NLGN1: variants seen among roughly 807,000 people sequenced by gnomAD.
The protein encoded by NLGN1 is neuroligin 1.
A neutral mutation model predicts 65.5 loss-of-function variants in NLGN1; 12 were observed. That is an observed-to-expected ratio of 0.18 (90% CI 0.12 to 0.30). The LOEUF (loss-of-function observed/expected upper bound fraction) is 0.30. Among genes scored for constraint, NLGN1 ranks in the 10% least tolerant of loss-of-function variants. The pLI is 1.00. For synonymous variants in NLGN1, 350 were observed against 359.5 expected (o/e 0.97, Z 0.30); for missense variants, 750 against 1,007.1 (o/e 0.74, Z 3.46).
chr3:173,760,963 C>T (rs1340116492), intron 3 of NLGN1, among the ~76,000 whole-genome samples: 1 of 152,002 alleles, frequency 6.6e-6, no homozygotes, highest in Non-Finnish European at 1.5e-5. Context: ...CCTAGAGCTA[C>T]CTACAATCAT....
chr3:173,775,400 G>A (rs564569373), intron 3 of NLGN1, among the ~76,000 whole-genome samples: 6 of 152,074 alleles, frequency 3.9e-5, no homozygotes, highest in African/African-American at 1.4e-4. Flanking sequence ...CTTTGGAGTT[G>A]AACAGACCTG....
chr3:174,212,852 C>T (rs1184746454), intron 4 of NLGN1, among the ~76,000 whole-genome samples: 1 of 152,160 alleles, frequency 6.6e-6, no homozygotes, highest in African/African-American at 2.4e-5. Context: ...TAGGAGCTAC[C>T]TACAATCCTT....
At chr3:174,134,360 T>G (rs924443186) in intron 4 of NLGN1, among the ~76,000 whole-genome samples, 1 of 152,250 alleles carries the variant, frequency 6.6e-6, no homozygotes, top group South Asian at 2.1e-4. Flanking sequence ...CCCATCTTAT[T>G]TGGTTATCAA....
At chr3:173,881,786 G>T (rs1239281623) in intron 4 of NLGN1, among the ~76,000 whole-genome samples, 1 of 152,048 alleles carries the variant, frequency 6.6e-6, no homozygotes, top group Non-Finnish European at 1.5e-5. Context: ...AGTTATCCAT[G>T]AGGATTGGAA....
intron 4 of NLGN1, among the ~76,000 whole-genome samples, chr3:174,103,511 G>C (rs1371471581): frequency 6.6e-6 from 1 of 152,122 alleles, no homozygotes; most frequent in East Asian, 1.9e-4. Context: ...TAAACATAAT[G>C]ATGGGAGAAT....
intron 4 of NLGN1, among the ~76,000 whole-genome samples, chr3:174,187,162 A>T (rs1417439392): frequency 6.6e-6 from 1 of 151,704 alleles, no homozygotes; most frequent in Non-Finnish European, 1.5e-5. Context: ...GGAAATTTTC[A>T]ATCAATGATT....
chr3:173,776,564 C>T (rs979596270), intron 3 of NLGN1, among the ~76,000 whole-genome samples: 6 of 151,976 alleles, frequency 3.9e-5, no homozygotes, highest in African/African-American at 1.4e-4. Flanking sequence ...GTGTGGGAAA[C>T]TCGATTTAAT....
intron 4 of NLGN1, among the ~76,000 whole-genome samples, chr3:174,259,958 G>C (rs1270748346): frequency 4.0e-5 from 6 of 151,220 alleles, no homozygotes; most frequent in Non-Finnish European, 8.8e-5. Context: ...TCTTGTGATA[G>C]TTTACTGAGA....
intron 1 of NLGN1, among the ~76,000 whole-genome samples, chr3:173,407,266 T>C (rs1335333045): frequency 6.6e-6 from 1 of 152,222 alleles, no homozygotes; most frequent in East Asian, 1.9e-4. Context: ...CTAAAAACTT[T>C]AATAAATTTT....
In NLGN1 at chr3:174,079,873, T is replaced by C. The variant is rs546654339; in HGVS notation, c.647-195442T>C. Among the ~76,000 whole-genome samples the C allele has an allele frequency of 5.5e-4, 83 of 152,008 alleles. 2 individuals are homozygous for C. Among genetic ancestry groups the C allele is most frequent in the Admixed American group, 2.4e-3 (37 of 15,248 alleles). On this transcript the variant is annotated intron_variant, in intron 4 of 6. Transcript: ENST00000457714. ...ACTCATAGAGGGGACCTACACACAC[T>C]GGGGCCTATTGAAGGGTGGAGGATG...
chr3:173,538,937 AC>A (rs1434059159), intron 2 of NLGN1, among the ~76,000 whole-genome samples: 1 of 148,676 alleles, frequency 6.7e-6, no homozygotes, highest in Non-Finnish European at 1.5e-5. Flanking sequence ...TTTCCTTGTC[AC>A]CAATTTTCCA....
At chr3:173,468,587 G>A (rs1042811354) in intron 2 of NLGN1, among the ~76,000 whole-genome samples, 3 of 152,012 alleles carry the variant, frequency 2.0e-5, no homozygotes, top group Non-Finnish European at 4.4e-5. Flanking sequence ...AAAAAAACTG[G>A]ATGTGCATTA....
chr3:174,120,379 T>C (rs747046180), intron 4 of NLGN1, among the ~76,000 whole-genome samples: 1 of 151,918 alleles, frequency 6.6e-6, no homozygotes, highest in Non-Finnish European at 1.5e-5. Flanking sequence ...TCGTGGTGCA[T>C]GCCTGTAATC....
intron 4 of NLGN1, among the ~76,000 whole-genome samples, chr3:174,081,774 T>C (rs1043563940): frequency 6.6e-6 from 1 of 152,060 alleles, no homozygotes; most frequent in Non-Finnish European, 1.5e-5. Flanking sequence ...TTTCTCCATG[T>C]TGATGAGGCT....
chr3:173,752,520 A>G (rs1273906697), intron 3 of NLGN1, among the ~76,000 whole-genome samples: 1 of 152,030 alleles, frequency 6.6e-6, no homozygotes, highest in Non-Finnish European at 1.5e-5. Context: ...TGAATCAACC[A>G]ACTCTTCCTT....
chr3:174,245,519 T>C (rs1265579467), intron 4 of NLGN1, among the ~76,000 whole-genome samples: 2 of 152,180 alleles, frequency 1.3e-5, no homozygotes, highest in East Asian at 3.8e-4. Context: ...TGGGAAAATA[T>C]TCTTGGTTTG....
intron 4 of NLGN1, among the ~76,000 whole-genome samples, chr3:174,006,379 C>T (rs921710101): frequency 4.6e-5 from 7 of 152,142 alleles, no homozygotes; most frequent in African/African-American, 1.4e-4. Context: ...CATTATGTGT[C>T]ACATTTTCTT....
chr3:173,767,820 C>G (rs553371846), intron 3 of NLGN1, among the ~76,000 whole-genome samples: 1 of 151,832 alleles, frequency 6.6e-6, no homozygotes, highest in Non-Finnish European at 1.5e-5. Flanking sequence ...TCTTGAAATG[C>G]GTCTAGACAA....
intron 4 of NLGN1, among the ~76,000 whole-genome samples, chr3:173,967,647 T>C (rs909628748): frequency 6.6e-6 from 1 of 152,146 alleles, no homozygotes; most frequent in Non-Finnish European, 1.5e-5. Flanking sequence ...AATTTTTACT[T>C]CTTATTTTCA....
Sources: allele counts gnomAD v4.1 joint callset (sites outside exome capture counted in the v4.1 genomes callset), GRCh38; gene constraint gnomAD v4.1.1; transcripts MANE v1.5; gene names NCBI Gene and HGNC (gene_info 2026-07-23, HGNC 2026-07-21).